The following COPG2 variants were observed in gnomAD, a reference collection of about 807,000 sequenced individuals.
COPG2 encodes the protein coatomer subunit gamma-2.
Under a neutral mutation model 46.3 loss-of-function variants are expected in COPG2, and 37 were observed. The ratio of observed to expected loss-of-function variants is 0.80; its 90% confidence interval spans 0.61 to 1.05. The LOEUF is 1.05. Among genes scored for constraint, COPG2 ranks in the 50% least tolerant of loss-of-function variants. The pLI is 0.00. For missense variants in COPG2, 427 were observed against 387.8 expected, an observed-to-expected ratio of 1.10 and a Z score of -0.85; for synonymous variants, 159 against 129.7, an observed-to-expected ratio of 1.23 and a Z score of -1.53.
chr7:130,660,810 C>T (rs1002314770), intron 4 of COPG2, among the ~76,000 whole-genome samples: 1 of 152,164 alleles, frequency 6.6e-6, no homozygotes, highest in African/African-American at 2.4e-5. Flanking sequence ...CACTCACACT[C>T]CTGACTCCAA....
chr7:130,643,840 AC>A (rs1199033232), intron 5 of COPG2, among the ~76,000 whole-genome samples: 5 of 152,080 alleles, frequency 3.3e-5, no homozygotes, highest in African/African-American at 1.2e-4. Flanking sequence ...GCGGTGATAC[AC>A]ACCTGTAGTC....
chr7:130,527,522 C>G lies in COPG2; in HGVS notation c.2150-18863G>C, dbSNP rs1294741440. Among the ~76,000 whole-genome samples the G allele has an allele frequency of 4.6e-5, 7 of 151,958 alleles. No homozygotes were observed. The East Asian group carries it at 1.4e-3, about 30-fold the overall frequency. On this transcript the variant is annotated intron_variant, in intron 20 of 23. Coordinates refer to ENST00000425248, the MANE Select transcript of COPG2 (RefSeq NM_012133.6). Reference sequence around the variant, plus strand: ...GGACCCCCAGGCAGGCCTATCCAATCATCTGAAGGGTGAGCAGTGTTCAGC... The same window carrying G: ...GGACCCCCAGGCAGGCCTATCCAATGATCTGAAGGGTGAGCAGTGTTCAGC...
intron 9 of COPG2, among the ~76,000 whole-genome samples, chr7:130,609,468 C>T (rs375300543): frequency 3.0e-4 from 45 of 152,302 alleles, no homozygotes; most frequent in African/African-American, 9.1e-4. Flanking sequence ...TGAGGCTTCC[C>T]CAGCCACGTG....
chr7:130,662,936 T>C (rs1460044909), intron 4 of COPG2, 31 bp downstream of exon 4: 2 of 1,349,474 alleles, frequency 1.5e-6, no homozygotes, highest in African/African-American at 1.8e-5. Flanking sequence ...AAGGAGGTTT[T>C]TCATCGTAAA....
chr7:130,532,053 C>T (rs1021318649), intron 20 of COPG2, among the ~76,000 whole-genome samples: 7 of 152,182 alleles, frequency 4.6e-5, no homozygotes, highest in Non-Finnish European at 5.9e-5. Flanking sequence ...GTGAGAATCA[C>T]TGGTGGACAC....
At chr7:130,516,441 G>A (rs1001468239) in intron 20 of COPG2, among the ~76,000 whole-genome samples, 29 of 152,302 alleles carry the variant, frequency 1.9e-4, no homozygotes, top group South Asian at 6.2e-4. Flanking sequence ...CTGGAAAAAT[G>A]TTCTGAGAGG....
chr7:130,529,225 C>G (rs1321651554), intron 20 of COPG2, among the ~76,000 whole-genome samples: 1 of 152,032 alleles, frequency 6.6e-6, no homozygotes, highest in Non-Finnish European at 1.5e-5. Flanking sequence ...AGGAAGGGAG[C>G]TGACATCAAG....
In COPG2 at chr7:130,554,637, G is replaced by A. The variant is rs1793589488; in HGVS notation, c.1312C>T (p.His438Tyr). ...NPESKEAGLA[H>Y]LCEFIEDCEH... ...CAGTCCTCAATGAATTCACAAAGGT[G>A]GGCTAGGCCTGCTTCTTTACTCTCA... Residue 438 changes from histidine to tyrosine, a missense_variant, in exon 14 of 24, where the codon CAC becomes TAC. His to Tyr is a moderately conservative substitution (Grantham distance 83, BLOSUM62 2). Coordinates refer to ENST00000425248, the MANE Select transcript of COPG2 (RefSeq NM_012133.6). 2 of 398,432 alleles carry A rather than the reference G, an allele frequency of 5.0e-6. No homozygotes were observed. Among genetic ancestry groups the A allele is most frequent in the Non-Finnish European group, 4.4e-6 (1 of 226,070 alleles). 24.7% of individuals were successfully genotyped at this position (398,432 alleles called of 1,614,324 possible). A position where few individuals can be genotyped will look rare whatever the true frequency, so the allele number is the denominator to read the frequency against.
At chr7:130,559,201 A>G (rs1275581651) in intron 12 of COPG2, among the ~76,000 whole-genome samples, 2 of 152,212 alleles carry the variant, frequency 1.3e-5, no homozygotes, top group African/African-American at 4.8e-5. Flanking sequence ...TAAGGAAACA[A>G]AAGACTAAAA....
At chr7:130,619,941 A>AG (rs1554453378) in intron 5 of COPG2, among the ~76,000 whole-genome samples, 2 of 152,214 alleles carry the variant, frequency 1.3e-5, no homozygotes, top group African/African-American at 2.4e-5. Context: ...TTAAATGACT[A>AG]GCTTTTTCTG....
At chr7:130,626,639 T>C (rs1029164226) in intron 5 of COPG2, among the ~76,000 whole-genome samples, 1 of 152,178 alleles carries the variant, frequency 6.6e-6, no homozygotes, top group African/African-American at 2.4e-5. Context: ...TAAACCTATC[T>C]TTGACTGTTG....
intron 9 of COPG2, among the ~76,000 whole-genome samples, chr7:130,585,160 C>A (rs781826639): frequency 6.6e-6 from 1 of 151,880 alleles, no homozygotes; most frequent in African/African-American, 2.4e-5. Context: ...AGAAATATAC[C>A]CAAATACTTA....
chr7:130,585,819 A>C (rs914968532), intron 9 of COPG2, among the ~76,000 whole-genome samples: 14 of 152,058 alleles, frequency 9.2e-5, no homozygotes, highest in African/African-American at 3.4e-4. Flanking sequence ...AAAAAACAGT[A>C]CATGTTGGCA....
chr7:130,595,149 C>A (rs573378442), intron 9 of COPG2, among the ~76,000 whole-genome samples: 1 of 152,110 alleles, frequency 6.6e-6, no homozygotes, highest in East Asian at 1.9e-4. Flanking sequence ...AAATAAAATA[C>A]GGTATATTTA....
intron 5 of COPG2, among the ~76,000 whole-genome samples, chr7:130,646,717 A>G (rs1360124044): frequency 1.3e-5 from 2 of 151,718 alleles, no homozygotes. Flanking sequence ...TGTGATAGTG[A>G]GTTCTCATGA....
chr7:130,562,649 T>C, intron 11 of COPG2, among the ~76,000 whole-genome samples: 1 of 152,212 alleles, frequency 6.6e-6, no homozygotes, highest in South Asian at 2.1e-4. Context: ...AAACTGAGTA[T>C]GCTGTAAATG....
chr7:130,572,147 C>T (rs1248124191), intron 9 of COPG2, among the ~76,000 whole-genome samples: 3 of 152,094 alleles, frequency 2.0e-5, no homozygotes, highest in African/African-American at 7.2e-5. Flanking sequence ...ATAGTGTACA[C>T]TACTTGGGTG....
chr7:130,596,923 T>A (rs1794539241), intron 9 of COPG2, among the ~76,000 whole-genome samples: 1 of 152,242 alleles, frequency 6.6e-6, no homozygotes. Flanking sequence ...GGCCAGAGTC[T>A]AGGACCGTAA....
intron 20 of COPG2, among the ~76,000 whole-genome samples, chr7:130,523,361 G>T (rs903645797): frequency 5.3e-5 from 8 of 152,108 alleles, no homozygotes; most frequent in Non-Finnish European, 1.2e-4. Flanking sequence ...TCTCTAAAAG[G>T]AACATAGACA....
Sources: allele counts gnomAD v4.1 joint callset (sites outside exome capture counted in the v4.1 genomes callset), GRCh38; gene constraint gnomAD v4.1.1; transcripts MANE v1.5; gene names NCBI Gene and HGNC (gene_info 2026-07-23, HGNC 2026-07-21).